ADAMTS17: variants seen among roughly 807,000 people sequenced by gnomAD.
The protein encoded by ADAMTS17 is ADAM metallopeptidase with thrombospondin type 1 motif 17.
In ADAMTS17, 113 loss-of-function variants were observed where a neutral mutation model predicts 141.5. That is an observed-to-expected ratio of 0.80 (90% CI 0.69 to 0.93). ADAMTS17 has a LOEUF of 0.93. Among genes scored for constraint, ADAMTS17 ranks in the 40% least tolerant of loss-of-function variants. The pLI, the probability that ADAMTS17 is intolerant of heterozygous loss-of-function variation, is 0.00. For synonymous variants in ADAMTS17, 768 were observed against 630.6 expected, an observed-to-expected ratio of 1.22 and a Z score of -3.27; for missense variants, 1,659 against 1,517.9, an observed-to-expected ratio of 1.09 and a Z score of -1.54.
chr15:100,221,671 C>G (rs1446650290), intron 7 of ADAMTS17, among the ~76,000 whole-genome samples: 1 of 152,194 alleles, frequency 6.6e-6, no homozygotes, highest in Non-Finnish European at 1.5e-5. Context: ...ACTCCCACGT[C>G]ATTCTCATGG....
rs1042592635 is a variant in ADAMTS17, at chr15:100,162,820, TTATA to T, written c.1182-7504_1182-7501del. On this transcript the variant is annotated intron_variant, in intron 8 of 21. Transcript: ENST00000268070. ...CACAGTATATATGCACACATACACA[TTATA>T]TATATGTGTATAACTATATATAGTT... Among the ~76,000 whole-genome samples the T allele has an allele frequency of 1.2e-3, 171 of 141,604 alleles. 4 individuals carry two copies. In the East Asian group the frequency reaches 0.018, roughly 15 times the overall value. The allele number at this position is 141,604 out of a possible 152,430, so 92.9% of individuals were successfully genotyped here.
At chr15:100,035,749 T>C (rs2030642783) in intron 18 of ADAMTS17, among the ~76,000 whole-genome samples, 1 of 152,090 alleles carries the variant, frequency 6.6e-6, no homozygotes, top group South Asian at 2.1e-4. Context: ...TCTTGTCCAG[T>C]ACTAAGGTAG....
At chr15:100,202,243 T>C (rs2041363160) in intron 7 of ADAMTS17, among the ~76,000 whole-genome samples, 4 of 152,360 alleles carry the variant, frequency 2.6e-5, no homozygotes, top group South Asian at 2.1e-4. Flanking sequence ...CGTGCAATGC[T>C]AGTGGAACAG....
At chr15:100,133,640 A>G (rs1156832433) in intron 10 of ADAMTS17, among the ~76,000 whole-genome samples, 1 of 152,098 alleles carries the variant, frequency 6.6e-6, no homozygotes, top group African/African-American at 2.4e-5. Flanking sequence ...CCCAGGAGTG[A>G]TGAGCAAACA....
At chr15:99,982,610 A>C (rs995606373) in intron 20 of ADAMTS17, among the ~76,000 whole-genome samples, 1 of 152,216 alleles carries the variant, frequency 6.6e-6, no homozygotes, top group Non-Finnish European at 1.5e-5. Context: ...TGCCCCAAGC[A>C]TTGCTGTGAA....
intron 8 of ADAMTS17, among the ~76,000 whole-genome samples, chr15:100,194,876 G>A (rs1304082418): frequency 2.0e-5 from 3 of 152,168 alleles, no homozygotes; most frequent in African/African-American, 7.2e-5. Flanking sequence ...AAAGATGCCT[G>A]TTGTAGCCAT....
At chr15:100,125,426 C>T (rs1047108951) in intron 12 of ADAMTS17, among the ~76,000 whole-genome samples, 6 of 152,198 alleles carry the variant, frequency 3.9e-5, no homozygotes, top group African/African-American at 1.2e-4. Flanking sequence ...CACCAGCCGT[C>T]CTCCCGCCGT....
chr15:100,334,801 G>A (rs2046159836), intron 2 of ADAMTS17, among the ~76,000 whole-genome samples: 1 of 152,154 alleles, frequency 6.6e-6, no homozygotes, highest in Non-Finnish European at 1.5e-5. Flanking sequence ...TAATGTGGGG[G>A]TCCCTCACTT....
intron 14 of ADAMTS17, among the ~76,000 whole-genome samples, chr15:100,100,795 C>A (rs1161757058): frequency 2.0e-5 from 3 of 152,172 alleles, no homozygotes; most frequent in Non-Finnish European, 4.4e-5. Flanking sequence ...AAGATCCCCA[C>A]TGCCTATCAG....
chr15:100,341,042 G>A lies in ADAMTS17; in HGVS notation c.447C>T (p.Gly149=). The A allele has an allele frequency of 6.6e-7, 1 of 1,522,998 alleles. No homozygotes were observed. Among genetic ancestry groups the A allele is most frequent in the South Asian group, 1.2e-5 (1 of 83,722 alleles). The allele number at this position is 1,522,998 out of a possible 1,614,324, so 94.3% of individuals were successfully genotyped here. Residue 149 remains glycine, a synonymous_variant, in exon 2 of 22, where the codon GGC becomes GGT. Coordinates refer to ENST00000268070, the MANE Select transcript of ADAMTS17 (RefSeq NM_139057.4). ...CCGGAGGTGGCGCGGGCAGTACCAG[G>A]CCGCCGGCGGCGCCGCAGGCGCTGA... ...VSLSACGAAG[G]LVGLIQLGQE...
intron 3 of ADAMTS17, among the ~76,000 whole-genome samples, chr15:100,293,634 C>A (rs1160136071): frequency 5.3e-5 from 8 of 152,148 alleles, no homozygotes; most frequent in Non-Finnish European, 5.9e-5. Flanking sequence ...CCTCAAGGGG[C>A]CTTGGAACGC....
At position 100,280,269 on chromosome 15, in the gene ADAMTS17, G is replaced by A. The variant is rs201959645; in HGVS notation, c.789+960C>T. Among the ~76,000 whole-genome samples the A allele has an allele frequency of 7.2e-5, 11 of 152,034 alleles. No homozygotes were observed. In the East Asian group the frequency reaches 1.9e-3, roughly 27 times the overall value. On this transcript the variant is annotated intron_variant, in intron 4 of 21. Coordinates refer to ENST00000268070, the MANE Select transcript of ADAMTS17 (RefSeq NM_139057.4). ...ACCCAGAGGCCCAGCTTGAAGCCTGGGTGTAGTAGCCTGGATTTCTCTTGC... is the reference window on the plus strand; with the variant it reads ...ACCCAGAGGCCCAGCTTGAAGCCTGAGTGTAGTAGCCTGGATTTCTCTTGC...
chr15:100,149,217 G>A (rs2039050634), intron 10 of ADAMTS17, among the ~76,000 whole-genome samples: 1 of 152,244 alleles, frequency 6.6e-6, no homozygotes, highest in Non-Finnish European at 1.5e-5. Flanking sequence ...ACCTGGATTT[G>A]ACTGATACAT....
intron 8 of ADAMTS17, among the ~76,000 whole-genome samples, chr15:100,167,547 G>A (rs74037539): frequency 0.021 from 3,196 of 152,214 alleles, 132 homozygotes; most frequent in East Asian, 0.17. Flanking sequence ...AGAAACCACC[G>A]GGCTGCACTG....
At chr15:100,222,702 C>T (rs1009506697) in intron 7 of ADAMTS17, among the ~76,000 whole-genome samples, 1 of 152,198 alleles carries the variant, frequency 6.6e-6, no homozygotes, top group Non-Finnish European at 1.5e-5. Flanking sequence ...AGGGGTCATG[C>T]CTGGACAGAG....
At position 100,096,372 on chromosome 15, in the gene ADAMTS17, G is replaced by A; in HGVS notation, c.2121C>T (p.Ser707=). 6.2e-7 allele frequency: 1 copy of A among 1,613,918 alleles called. No individual in the cohort carries two copies. Among genetic ancestry groups the A allele is most frequent in the Non-Finnish European group, 8.5e-7 (1 of 1,180,042 alleles). ...AACACTCACCTGTCCCCCGGGCGTG[G>A]CTGAAGTCGCCCTTCACCAAGTGGC... ...KTCHLVKGDF[S]HARGTALKDS... Residue 707 remains serine, a synonymous_variant, in exon 15 of 22, where the codon AGC becomes AGT. Transcript: ENST00000268070.
intron 7 of ADAMTS17, among the ~76,000 whole-genome samples, chr15:100,247,187 T>G (rs1032512425): frequency 6.6e-6 from 1 of 152,140 alleles, no homozygotes; most frequent in Non-Finnish European, 1.5e-5. Flanking sequence ...ACACCTGGCC[T>G]GAAGACTATA....
chr15:100,208,190 A>G (rs2041653306), intron 7 of ADAMTS17, among the ~76,000 whole-genome samples: 1 of 152,148 alleles, frequency 6.6e-6, no homozygotes, highest in African/African-American at 2.4e-5. Flanking sequence ...TAGGCTCACA[A>G]AAAGGGAGCA....
At chr15:100,263,662 G>A (rs1203871738) in intron 4 of ADAMTS17, among the ~76,000 whole-genome samples, 5 of 152,248 alleles carry the variant, frequency 3.3e-5, no homozygotes, top group African/African-American at 4.8e-5. Flanking sequence ...CCATAACGCA[G>A]AGAAAACAGG....
Sources: gnomAD v4.1 joint callset for allele counts (sites outside exome capture counted in the v4.1 genomes callset) on GRCh38, gnomAD v4.1.1 for gene constraint, MANE v1.5 for transcripts, NCBI Gene and HGNC (gene_info 2026-07-23, HGNC 2026-07-21) for gene names.